The following CUX2 variants were observed in gnomAD, a reference collection of about 807,000 sequenced individuals.
CUX2 encodes the protein homeobox protein cut-like 2.
A neutral mutation model predicts 144.8 loss-of-function variants in CUX2; 40 were observed. The ratio of observed to expected loss-of-function variants is 0.28; its 90% confidence interval spans 0.21 to 0.36. The LOEUF (loss-of-function observed/expected upper bound fraction) is 0.36, where lower values mean the gene tolerates loss of function less well. Ranked by LOEUF, CUX2 falls within the 10% of genes least tolerant of loss-of-function variation. CUX2 has a pLI of 1.00. For synonymous variants in CUX2, 827 were observed against 875.6 expected (o/e 0.94, Z 0.98); for missense variants, 1,615 against 1,994.0 (o/e 0.81, Z 3.62).
chr12:111,095,106 A>G (rs1006564257), intron 1 of CUX2, among the ~76,000 whole-genome samples: 1 of 152,106 alleles, frequency 6.6e-6, no homozygotes, highest in Admixed American at 6.6e-5. Flanking sequence ...AGCATCTCTT[A>G]TGCTGTTTAT....
chr12:111,110,339 A>G (rs1873864439), intron 1 of CUX2, among the ~76,000 whole-genome samples: 1 of 152,168 alleles, frequency 6.6e-6, no homozygotes, highest in Non-Finnish European at 1.5e-5. Context: ...GCCTCTTAGC[A>G]TCTTAGGTTT....
At chr12:111,083,478 C>T (rs984662508) in intron 1 of CUX2, among the ~76,000 whole-genome samples, 5 of 151,974 alleles carry the variant, frequency 3.3e-5, no homozygotes, top group African/African-American at 9.7e-5. Flanking sequence ...GCTTGAGGAC[C>T]CCAGAGTCAA....
rs151188549 is a variant in CUX2 at position 111,272,710 on chromosome 12, T to C, written c.301+8871T>C. On this transcript the variant is annotated intron_variant, in intron 4 of 21. Transcript: ENST00000261726. ...AACTCCCGACTTCAGGTGATCCACC[T>C]GCCTCGGCCTCCCAAAGTGTTGGGA... Among the ~76,000 whole-genome samples, 554 of 152,300 alleles carry C rather than the reference T, an allele frequency of 3.6e-3. 1 individual carries two copies. The highest frequency in any genetic ancestry group is 0.013 in the African/African-American group (529 of 41,580).
chr12:111,280,183 G>T (rs1247416376), intron 4 of CUX2, among the ~76,000 whole-genome samples: 2 of 152,076 alleles, frequency 1.3e-5, no homozygotes, highest in African/African-American at 4.8e-5. Flanking sequence ...CAGCTACTTG[G>T]GAGTCTGAGG....
chr12:111,069,383 C>T (rs898770225), intron 1 of CUX2, among the ~76,000 whole-genome samples: 4 of 152,062 alleles, frequency 2.6e-5, no homozygotes, highest in Non-Finnish European at 4.4e-5. Flanking sequence ...TCCCCTTGCC[C>T]ACAGTAACTT....
chr12:111,245,252 G>T (rs185002697), intron 3 of CUX2, among the ~76,000 whole-genome samples: 1 of 152,124 alleles, frequency 6.6e-6, no homozygotes, highest in East Asian at 1.9e-4. Flanking sequence ...AATTGGTGGT[G>T]CAGCCAGGCA....
intron 18 of CUX2, among the ~76,000 whole-genome samples, chr12:111,324,531 T>C (rs1887684528): frequency 1.5e-5 from 2 of 132,936 alleles, no homozygotes; most frequent in South Asian, 2.6e-4. Context: ...GACAGAGTCT[T>C]GCTCTGTTGC....
At chr12:111,331,780 T>TTGAAAAA (rs1335248716) in intron 18 of CUX2, among the ~76,000 whole-genome samples, 1 of 151,882 alleles carries the variant, frequency 6.6e-6, no homozygotes, top group Admixed American at 6.6e-5. Context: ...AAAATGTCTT[T>TTGAAAAA]TGAAAAATGA....
intron 1 of CUX2, among the ~76,000 whole-genome samples, chr12:111,189,425 C>T (rs962787191): frequency 2.0e-5 from 3 of 152,220 alleles, no homozygotes; most frequent in African/African-American, 7.2e-5. Flanking sequence ...CTGTTTCTTA[C>T]GTAAATGGAA....
intron 1 of CUX2, among the ~76,000 whole-genome samples, chr12:111,194,658 C>T (rs1157903673): frequency 2.0e-5 from 3 of 152,250 alleles, no homozygotes; most frequent in Non-Finnish European, 4.4e-5. Flanking sequence ...GGCATCACCT[C>T]GTGGGCCCCT....
chr12:111,156,700 G>A (rs532101168), intron 1 of CUX2, among the ~76,000 whole-genome samples: 33 of 152,240 alleles, frequency 2.2e-4, no homozygotes, highest in East Asian at 1.4e-3. Flanking sequence ...AAACAAAGCC[G>A]AGTGCGGTGG....
intron 18 of CUX2, among the ~76,000 whole-genome samples, chr12:111,327,440 G>A (rs1887872395): frequency 6.6e-6 from 1 of 152,174 alleles, no homozygotes; most frequent in Non-Finnish European, 1.5e-5. Flanking sequence ...TTAACTTACT[G>A]AGGAAGTTCA....
At position 111,190,299 on chromosome 12, in the gene CUX2, A is replaced by G. The variant is rs904559905; in HGVS notation, c.64-23901A>G. ...TGCACTTGTTCTTTTTAATGCAACA[A>G]TTACTGCTCAGGACTCGGGAGTAGG... On this transcript the variant is annotated intron_variant, in intron 1 of 21. Transcript: ENST00000261726. The surrounding 1 kb of genome is among the most constrained non-coding windows in gnomAD (Gnocchi z 4.0). Among the ~76,000 whole-genome samples, 8 of 152,064 alleles carry G rather than the reference A, an allele frequency of 5.3e-5. No homozygotes were observed. The highest frequency in any genetic ancestry group is 1.2e-4 in the Non-Finnish European group (8 of 68,012).
chr12:111,034,171 C>A lies in CUX2; in HGVS notation c.-7C>A, dbSNP rs1404130611. On this transcript the variant is annotated 5_prime_UTR_variant, in exon 1 of 22. Transcript: ENST00000261726. This position sits in a 1 kb window ranked among gnomAD's most constrained non-coding sequence, Gnocchi z 4.2. ...TCTTGTGTGTGCGCGTCTCGATAGC[C>A]CCCAAGATGGCCGCCAATGTGGGAT... The A allele has an allele frequency of 7.1e-7, 1 of 1,399,008 alleles. No homozygotes were observed. Among genetic ancestry groups the A allele is most frequent in the East Asian group, 4.0e-5 (1 of 25,232 alleles). 86.7% of individuals were successfully genotyped at this position (1,399,008 alleles called of 1,614,324 possible). A position where few individuals can be genotyped will look rare whatever the true frequency, so the allele number is the denominator to read the frequency against.
intron 1 of CUX2, among the ~76,000 whole-genome samples, chr12:111,086,407 G>A (rs1005105150): frequency 1.4e-4 from 22 of 152,326 alleles, no homozygotes; most frequent in African/African-American, 4.8e-4. Context: ...TTTTTCTAAT[G>A]ATGAGAGCTT....
chr12:111,237,311 C>G (rs1245719189), intron 3 of CUX2, among the ~76,000 whole-genome samples: 1 of 152,172 alleles, frequency 6.6e-6, no homozygotes, highest in Non-Finnish European at 1.5e-5. Context: ...ACATTCTGTT[C>G]CCTTCTCCCA....
intron 2 of CUX2, 77 bp from the exon 3 acceptor site, chr12:111,217,813 G>A (rs1439953672): frequency 1.4e-6 from 2 of 1,450,918 alleles, no homozygotes; most frequent in Non-Finnish European, 1.9e-6. Context: ...GCCAGGGACA[G>A]CAGCGAGCTA....
intron 3 of CUX2, among the ~76,000 whole-genome samples, chr12:111,261,524 G>T (rs762937979): frequency 2.0e-5 from 3 of 151,978 alleles, no homozygotes; most frequent in African/African-American, 7.3e-5. Flanking sequence ...CAGTGGTTAC[G>T]CTTCCTACTG....
At chr12:111,204,068 C>T (rs1880771554) in intron 1 of CUX2, among the ~76,000 whole-genome samples, 2 of 152,198 alleles carry the variant, frequency 1.3e-5, no homozygotes, top group Admixed American at 6.5e-5. Flanking sequence ...TGCAGTCCAC[C>T]AGCCTGTCGT....
Sources: allele counts gnomAD v4.1 joint callset (sites outside exome capture counted in the v4.1 genomes callset), GRCh38; gene constraint gnomAD v4.1.1; non-coding constraint Gnocchi (gnomAD v3.1); transcripts MANE v1.5; gene names NCBI Gene and HGNC (gene_info 2026-07-23, HGNC 2026-07-21).